The following FAF1 variants were observed in gnomAD, a reference collection of about 807,000 sequenced individuals.
FAF1 encodes the protein FAS-associated factor 1.
Under a neutral mutation model 92.5 loss-of-function variants are expected in FAF1, and 25 were observed. The observed-to-expected ratio is 0.27, with a 90% CI of 0.20 to 0.38. The LOEUF is 0.38. FAF1 is among the 10% of genes least tolerant of loss of function. The pLI is 1.00. For synonymous variants in FAF1, 234 were observed against 273.2 expected (o/e 0.86, Z 1.42); for missense variants, 636 against 793.3 (o/e 0.80, Z 2.38).
chr1:50,697,039 G>C (rs1411883759), intron 7 of FAF1, among the ~76,000 whole-genome samples: 2 of 152,216 alleles, frequency 1.3e-5, no homozygotes, highest in Non-Finnish European at 2.9e-5. Context: ...CAGCTGGGTA[G>C]AAATTCACAC....
chr1:50,574,458 T>C (rs537345771), intron 12 of FAF1, among the ~76,000 whole-genome samples: 2 of 152,320 alleles, frequency 1.3e-5, no homozygotes, highest in South Asian at 2.1e-4. Flanking sequence ...TTTGGTACAG[T>C]AGTCTCTTAA....
intron 1 of FAF1, among the ~76,000 whole-genome samples, chr1:50,884,746 G>T (rs1389172281): frequency 6.6e-6 from 1 of 152,004 alleles, no homozygotes; most frequent in South Asian, 2.1e-4. Flanking sequence ...GTTTTGATGT[G>T]TTTTTTTCTG....
chr1:50,481,096 T>C (rs1266327152), intron 17 of FAF1, among the ~76,000 whole-genome samples: 1 of 152,142 alleles, frequency 6.6e-6, no homozygotes, highest in East Asian at 1.9e-4. Context: ...AGCTGTACAA[T>C]GTGTGTTTTA....
intron 1 of FAF1, among the ~76,000 whole-genome samples, chr1:50,888,172 CTGTT>C (rs1644685731): frequency 6.6e-6 from 1 of 152,130 alleles, no homozygotes; most frequent in South Asian, 2.1e-4. Flanking sequence ...TGATTTGGCT[CTGTT>C]TGTCTGTTAT....
Position 50,551,399 on chromosome 1 carries a change from T to C in FAF1, c.1269-11671A>G, listed in dbSNP as rs556780909. 2.7e-4 allele frequency among the ~76,000 whole-genome samples: 41 copies of C among 152,262 alleles called. No individual in the cohort carries two copies. The Middle Eastern group carries it at 0.01, about 38-fold the overall frequency. ...AGAAATGAATAGATGGTAGAATGAA[T>C]GAGACAGTAAAAAGCTAAAATTAAT... On this transcript the variant is annotated intron_variant, in intron 13 of 18. Transcript: ENST00000396153.
At chr1:50,507,828 T>C (rs1341908661) in intron 15 of FAF1, among the ~76,000 whole-genome samples, 1 of 152,240 alleles carries the variant, frequency 6.6e-6, no homozygotes, top group Non-Finnish European at 1.5e-5. Context: ...AGAATTAAAA[T>C]TCAGATATTT....
intron 2 of FAF1, among the ~76,000 whole-genome samples, chr1:50,843,607 C>T (rs1644274406): frequency 6.6e-6 from 1 of 152,024 alleles, no homozygotes; most frequent in South Asian, 2.1e-4. Context: ...CCTTTTTAAG[C>T]TCTCACATAT....
At chr1:50,528,718 T>A (rs1199070879) in intron 15 of FAF1, among the ~76,000 whole-genome samples, 1 of 152,144 alleles carries the variant, frequency 6.6e-6, no homozygotes, top group Non-Finnish European at 1.5e-5. Context: ...GTTTTTTCAA[T>A]AGAAGTTATA....
intron 13 of FAF1, among the ~76,000 whole-genome samples, chr1:50,558,680 C>A (rs1208726329): frequency 6.6e-6 from 1 of 152,118 alleles, no homozygotes; most frequent in Admixed American, 6.5e-5. Flanking sequence ...AATAATATCA[C>A]CTTTGTATCT....
At chr1:50,709,610 T>C (rs1359623043) in intron 6 of FAF1, among the ~76,000 whole-genome samples, 1 of 152,170 alleles carries the variant, frequency 6.6e-6, no homozygotes, top group Non-Finnish European at 1.5e-5. Flanking sequence ...TCCCTGGTCA[T>C]CAAGCTACAA....
intron 13 of FAF1, among the ~76,000 whole-genome samples, chr1:50,564,221 T>C (rs918468986): frequency 6.8e-6 from 1 of 146,620 alleles, no homozygotes; most frequent in Non-Finnish European, 1.5e-5. Flanking sequence ...TCAGCTATAA[T>C]ATCAGATGGT....
intron 8 of FAF1, among the ~76,000 whole-genome samples, chr1:50,637,761 G>T (rs896586918): frequency 1.3e-5 from 2 of 150,668 alleles, no homozygotes; most frequent in African/African-American, 2.4e-5. Context: ...ATATAGTAAT[G>T]AAGTCCAATT....
intron 3 of FAF1, among the ~76,000 whole-genome samples, chr1:50,791,807 T>A (rs1661572358): frequency 6.6e-6 from 1 of 152,184 alleles, no homozygotes; most frequent in Admixed American, 6.5e-5. Flanking sequence ...ATGTAACCAA[T>A]CCTACCTTAA....
intron 9 of FAF1, among the ~76,000 whole-genome samples, chr1:50,592,197 A>G (rs1485042581): frequency 6.6e-6 from 1 of 150,972 alleles, no homozygotes; most frequent in Admixed American, 6.6e-5. Context: ...TCATCTGACT[A>G]GTACATAGTG....
At chr1:50,821,255 C>A (rs1203322898) in intron 2 of FAF1, among the ~76,000 whole-genome samples, 1 of 152,128 alleles carries the variant, frequency 6.6e-6, no homozygotes, top group Non-Finnish European at 1.5e-5. Flanking sequence ...GCATAAATAT[C>A]TGCCTCACAC....
chr1:50,689,458 C>A (rs1273621331), intron 7 of FAF1, among the ~76,000 whole-genome samples: 1 of 152,194 alleles, frequency 6.6e-6, no homozygotes, highest in Non-Finnish European at 1.5e-5. Flanking sequence ...GTGGCAGGCA[C>A]CTGCGGTCCG....
intron 18 of FAF1, among the ~76,000 whole-genome samples, chr1:50,468,827 C>G (rs936844861): frequency 2.0e-5 from 3 of 152,006 alleles, no homozygotes; most frequent in Admixed American, 6.6e-5. Context: ...AACTCCTGAC[C>G]TCAAGTGATC....
At chr1:50,563,187 G>C (rs1372553703) in intron 13 of FAF1, among the ~76,000 whole-genome samples, 2 of 152,126 alleles carry the variant, frequency 1.3e-5, no homozygotes, top group Non-Finnish European at 2.9e-5. Flanking sequence ...AGATCTTCTT[G>C]TTTACTATTA....
chr1:50,715,055 AC>A, intron 6 of FAF1: 1 of 412,530 alleles, frequency 2.4e-6, no homozygotes, highest in South Asian at 1.8e-5. Flanking sequence ...CAACAAGGAC[AC>A]AATTTGGTTT....
Sources: allele counts gnomAD v4.1 joint callset (sites outside exome capture counted in the v4.1 genomes callset), GRCh38; gene constraint gnomAD v4.1.1; transcripts MANE v1.5; gene names NCBI Gene and HGNC (gene_info 2026-07-23, HGNC 2026-07-21).